The following RALB variants were observed in gnomAD, a reference collection of about 807,000 sequenced individuals.
The protein encoded by RALB is RAS like proto-oncogene B.
A neutral mutation model predicts 21.3 loss-of-function variants in RALB; 16 were observed. That is an observed-to-expected ratio of 0.75 (90% CI 0.51 to 1.14). RALB has a LOEUF of 1.14. RALB is among the 50% of genes most tolerant of loss of function. The pLI is 0.00. For missense variants in RALB, 161 were observed against 256.2 expected (o/e 0.63, Z 2.54); for synonymous variants, 93 against 96.1 (o/e 0.97, Z 0.19).
At chr2:120,244,293 G>GCCCAGGCTCAGGCCCAGC (rs1437104529) in intron 1 of RALB, among the ~76,000 whole-genome samples, 1 of 152,214 alleles carries the variant, frequency 6.6e-6, no homozygotes, top group Admixed American at 6.5e-5. Flanking sequence ...CCAGGCCCAG[G>GCCCAGGCTCAGGCCCAGC]CCCAGGCTCA....
intron 1 of RALB, chr2:120,253,649 T>C: frequency 1.0e-6 from 1 of 985,494 alleles, no homozygotes; most frequent in African/African-American, 1.7e-5. Flanking sequence ...CGGAGCTTGC[T>C]GCGTCCACAC....
intron 1 of RALB, among the ~76,000 whole-genome samples, chr2:120,277,351 A>ATG (rs369449889): frequency 1.7e-3 from 172 of 100,076 alleles, no homozygotes; most frequent in African/African-American, 0.01. Flanking sequence ...GCATGTGAAC[A>ATG]TGTGTGTGAG....
chr2:120,258,500 G>T (rs950777634), intron 1 of RALB, among the ~76,000 whole-genome samples: 1 of 152,188 alleles, frequency 6.6e-6, no homozygotes, highest in African/African-American at 2.4e-5. Context: ...CCAGTGGAGG[G>T]TTTAGCTGCC....
intron 2 of RALB, among the ~76,000 whole-genome samples, chr2:120,280,628 C>A (rs756150014): frequency 6.6e-6 from 1 of 151,436 alleles, no homozygotes; most frequent in Non-Finnish European, 1.5e-5. Flanking sequence ...GATGATGGGT[C>A]GATAGGTGCA....
At chr2:120,245,843 G>A (rs1475843197) in intron 1 of RALB, among the ~76,000 whole-genome samples, 1 of 152,176 alleles carries the variant, frequency 6.6e-6, no homozygotes, top group Non-Finnish European at 1.5e-5. Context: ...CCACCCCAAT[G>A]TCATTGCTGC....
chr2:120,269,556 T>A (rs577345584), intron 1 of RALB, among the ~76,000 whole-genome samples: 77 of 152,294 alleles, frequency 5.1e-4, no homozygotes, highest in Middle Eastern at 6.8e-3. Flanking sequence ...AGTGTGCTGA[T>A]TGGCACATTT....
Position 120,278,729 on chromosome 2 carries a change from G to A in RALB, c.65G>A (p.Ser22Asn). The A allele has an allele frequency of 6.3e-7, 1 of 1,595,162 alleles. No individual in the cohort carries two copies. Among genetic ancestry groups the A allele is most frequent in the Non-Finnish European group, 8.5e-7 (1 of 1,169,868 alleles). ...LALHKVIMVG[S>N]GGVGKSALTL... Reference sequence around the variant, plus strand: ...CTCCACAAGGTGATCATGGTTGGCAGCGGAGGCGTTGGCAAGTCAGCCCTG... The same window carrying A: ...CTCCACAAGGTGATCATGGTTGGCAACGGAGGCGTTGGCAAGTCAGCCCTG... Residue 22 changes from serine (S) to asparagine (N), a missense_variant, in exon 2 of 5, where the codon AGC becomes AAC. Physicochemically the swap from Ser to Asn is conservative, Grantham distance 46. Transcript: ENST00000272519.
chr2:120,251,168 C>G (rs1689048162), upstream of RALB, among the ~76,000 whole-genome samples: 1 of 152,202 alleles, frequency 6.6e-6, no homozygotes, highest in Non-Finnish European at 1.5e-5. Flanking sequence ...ACTATCATAC[C>G]CTTTTCACTT....
chr2:120,242,279 T>C (rs1001116169), intron 1 of RALB, among the ~76,000 whole-genome samples: 1 of 152,110 alleles, frequency 6.6e-6, no homozygotes, highest in Non-Finnish European at 1.5e-5. Context: ...GCAGTGAGTG[T>C]TCAATGGGTG....
chr2:120,283,957 C>G (rs917421154), intron 2 of RALB, among the ~76,000 whole-genome samples: 1 of 152,208 alleles, frequency 6.6e-6, no homozygotes, highest in African/African-American at 2.4e-5. Flanking sequence ...TACAGCAGGA[C>G]ATTCTGACTT....
chr2:120,275,096 G>C (rs1689755334), intron 1 of RALB, among the ~76,000 whole-genome samples: 1 of 152,146 alleles, frequency 6.6e-6, no homozygotes, highest in Non-Finnish European at 1.5e-5. Flanking sequence ...TAGGTTTTCA[G>C]GGGAGAATTC....
At chr2:120,289,837 G>A in intron 4 of RALB, 80 bp downstream of exon 4, 1 of 1,353,244 alleles carries the variant, frequency 7.4e-7, no homozygotes, top group South Asian at 1.6e-5. Context: ...CTGGGTTTTA[G>A]GGAACCATTT....
At position 120,241,658 on chromosome 2, in the gene RALB, G is replaced by T. The variant is rs7558117; in HGVS notation, c.19+1533G>T. On this transcript the variant is annotated intron_variant, in intron 1 of 3. Coordinates refer to the RALB transcript ENST00000447591. Reference sequence around the variant, plus strand: ...GGAGAATCACTTGAACCCAGGAAGTGGAGGTTGCAGTGAGCTGAGATCGTG... The same window carrying T: ...GGAGAATCACTTGAACCCAGGAAGTTGAGGTTGCAGTGAGCTGAGATCGTG... Among the ~76,000 whole-genome samples, 35 of 152,116 alleles carry T rather than the reference G, an allele frequency of 2.3e-4. No homozygotes were observed. The East Asian group carries it at 6.2e-3, about 27-fold the overall frequency.
At position 120,277,920 on chromosome 2, in the gene RALB, A is replaced by G. The variant is rs573693196; in HGVS notation, c.-47-698A>G. On this transcript the variant is annotated intron_variant, in intron 1 of 4. Transcript: ENST00000272519. Reference sequence around the variant, plus strand: ...GTGAGCGTGTGTGTGAATGTGAGTTAATGTGAGCGTGTGTGAGCGAGTGTG... The same window carrying G: ...GTGAGCGTGTGTGTGAATGTGAGTTGATGTGAGCGTGTGTGAGCGAGTGTG... Among the ~76,000 whole-genome samples, 14 of 142,192 alleles carry G rather than the reference A, an allele frequency of 9.8e-5. No homozygotes were observed. In the East Asian group the frequency reaches 2.8e-3, roughly 29 times the overall value. The allele number at this position is 142,192 out of a possible 152,430, so 93.3% of individuals were successfully genotyped here.
At chr2:120,261,495 G>C (rs1689364662) in intron 1 of RALB, among the ~76,000 whole-genome samples, 1 of 152,180 alleles carries the variant, frequency 6.6e-6, no homozygotes, top group Admixed American at 6.5e-5. Flanking sequence ...AGTAAGCAGA[G>C]GGAGGGCACA....
At chr2:120,253,032 A>C (rs1159989512) in intron 1 of RALB, 52 bp downstream of exon 1, 2 of 948,254 alleles carry the variant, frequency 2.1e-6, no homozygotes, top group African/African-American at 1.8e-5. Flanking sequence ...CGGGCTGGGG[A>C]GTGGGGTACG....
chr2:120,261,123 A>G (rs1045037660), intron 1 of RALB, among the ~76,000 whole-genome samples: 1 of 152,200 alleles, frequency 6.6e-6, no homozygotes, highest in African/African-American at 2.4e-5. Flanking sequence ...GATAATTCCT[A>G]TAGAGGAATT....
chr2:120,286,498 A>G (rs1690161636), intron 3 of RALB, among the ~76,000 whole-genome samples: 1 of 152,234 alleles, frequency 6.6e-6, no homozygotes, highest in Non-Finnish European at 1.5e-5. Context: ...AATGACTGGA[A>G]AGTGAAAGAT....
At chr2:120,282,781 T>G (rs1690024950) in intron 2 of RALB, among the ~76,000 whole-genome samples, 1 of 151,996 alleles carries the variant, frequency 6.6e-6, no homozygotes. Flanking sequence ...AATGAAGTGA[T>G]GTATGTTTGG....
Sources: gnomAD v4.1 joint callset for allele counts (sites outside exome capture counted in the v4.1 genomes callset) on GRCh38, gnomAD v4.1.1 for gene constraint, MANE v1.5 for transcripts, NCBI Gene and HGNC (gene_info 2026-07-23, HGNC 2026-07-21) for gene names.